Variants in DPP6 observed in about 807,000 individuals in gnomAD.
DPP6 encodes the protein dipeptidyl peptidase like 6.
A neutral mutation model predicts 122.6 loss-of-function variants in DPP6; 69 were observed. The ratio of observed to expected loss-of-function variants is 0.56; its 90% CI spans 0.46 to 0.69. The LOEUF is 0.69. DPP6 is among the 30% of genes least tolerant of loss of function. The probability of loss-of-function intolerance (pLI) is 0.00; values close to 1 mark genes in which losing one functional copy is unlikely to be tolerated. For missense variants in DPP6, 928 were observed against 1,116.9 expected (o/e 0.83, Z 2.41); for synonymous variants, 418 against 433.1 (o/e 0.97, Z 0.43).
At chr7:153,875,250 A>T in the DPP6 span, among the ~76,000 whole-genome samples, 29 of 152,328 alleles carry the variant, frequency 1.9e-4, no homozygotes, top group African/African-American at 6.0e-4. Context: ...ATAGAACTCC[A>T]TATGCTCTAA....
chr7:153,917,493 C>A (rs1470131767), intron 1 of DPP6, among the ~76,000 whole-genome samples: 3 of 152,184 alleles, frequency 2.0e-5, no homozygotes, highest in African/African-American at 7.2e-5. Context: ...CCGCTGTTCC[C>A]TCTTCCCTGG....
chr7:154,081,296 A>G (rs1175671045), intron 1 of DPP6, among the ~76,000 whole-genome samples: 1 of 148,624 alleles, frequency 6.7e-6, no homozygotes, highest in East Asian at 1.9e-4. Flanking sequence ...CACTGTGATC[A>G]GTGCACAGGA....
intron 5 of DPP6, among the ~76,000 whole-genome samples, chr7:154,586,734 G>A (rs114335149): frequency 0.012 from 1,833 of 152,286 alleles, 45 homozygotes; most frequent in African/African-American, 0.041. Flanking sequence ...GGCTTTGCTC[G>A]TGCTGTTTCC....
chr7:154,420,618 AAGTT>A (rs1817392037), intron 1 of DPP6, among the ~76,000 whole-genome samples: 1 of 152,160 alleles, frequency 6.6e-6, no homozygotes, highest in Non-Finnish European at 1.5e-5. Context: ...CAGGAGGAAT[AAGTT>A]TTGGAGATCT....
chr7:153,954,338 C>A (rs1585083766), intron 1 of DPP6, among the ~76,000 whole-genome samples: 1 of 152,352 alleles, frequency 6.6e-6, no homozygotes, highest in South Asian at 2.1e-4. Context: ...AACTGCAGAA[C>A]TAAAATTTAA....
chr7:154,477,186 C>T (rs971138883), intron 3 of DPP6, among the ~76,000 whole-genome samples: 3 of 152,098 alleles, frequency 2.0e-5, no homozygotes, highest in African/African-American at 7.2e-5. Context: ...CTTTAGGGAG[C>T]AGGTTTGTCC....
intron 7 of DPP6, among the ~76,000 whole-genome samples, chr7:154,683,613 A>G (rs1413662663): frequency 6.6e-6 from 1 of 152,058 alleles, no homozygotes; most frequent in Non-Finnish European, 1.5e-5. Flanking sequence ...TAAAATGCAA[A>G]TATAATCATG....
chr7:154,204,527 C>A (rs7793376), intron 1 of DPP6, among the ~76,000 whole-genome samples: 1 of 152,186 alleles, frequency 6.6e-6, no homozygotes, highest in African/African-American at 2.4e-5. Flanking sequence ...CCATTATCAT[C>A]ATCGGCCTCC....
the DPP6 span, among the ~76,000 whole-genome samples, chr7:153,799,476 G>A: frequency 7.9e-5 from 12 of 152,212 alleles, no homozygotes; most frequent in South Asian, 2.1e-4. Context: ...ACTGAACAAA[G>A]CAGACACTGC....
At chr7:154,345,474 C>A (rs1255969217) in intron 1 of DPP6, among the ~76,000 whole-genome samples, 1 of 152,180 alleles carries the variant, frequency 6.6e-6, no homozygotes, top group Non-Finnish European at 1.5e-5. Flanking sequence ...ATTTGCAGTC[C>A]ATTTTCCCAT....
At chr7:154,389,578 T>A (rs10264554) in intron 1 of DPP6, among the ~76,000 whole-genome samples, 21,370 of 152,162 alleles carry the variant, frequency 0.14, 2,179 homozygotes, top group African/African-American at 0.29. Context: ...CAAACAATAA[T>A]ATATTCGATA....
At chr7:154,354,354 C>G (rs1811107389) in intron 1 of DPP6, among the ~76,000 whole-genome samples, 1 of 152,164 alleles carries the variant, frequency 6.6e-6, no homozygotes, top group Non-Finnish European at 1.5e-5. Flanking sequence ...CCATTTAATA[C>G]AATGGCCGTA....
chr7:154,546,660 C>T (rs553289187), intron 4 of DPP6, among the ~76,000 whole-genome samples: 2 of 152,198 alleles, frequency 1.3e-5, no homozygotes, highest in African/African-American at 2.4e-5. Context: ...TTTATATAAT[C>T]ATAGATGTAG....
intron 1 of DPP6, among the ~76,000 whole-genome samples, chr7:154,414,243 A>G (rs1816839843): frequency 6.6e-6 from 1 of 152,248 alleles, no homozygotes; most frequent in Non-Finnish European, 1.5e-5. Context: ...CAAATGCTCC[A>G]CAAAAAGAGA....
At chr7:154,160,785 TC>T (rs1473754400) in intron 1 of DPP6, among the ~76,000 whole-genome samples, 6 of 152,288 alleles carry the variant, frequency 3.9e-5, no homozygotes, top group Non-Finnish European at 5.9e-5. Context: ...AGTTAGTTAA[TC>T]CTAAACCTAC....
intron 1 of DPP6, among the ~76,000 whole-genome samples, chr7:154,330,034 G>A (rs568112962): frequency 8.0e-4 from 122 of 152,262 alleles, no homozygotes; most frequent in African/African-American, 2.7e-3. Flanking sequence ...CCTGTCGGGC[G>A]GTGGAGGGGA....
chr7:154,230,402 T>A (rs182528557), intron 1 of DPP6, among the ~76,000 whole-genome samples: 30 of 152,366 alleles, frequency 2.0e-4, no homozygotes, highest in Non-Finnish European at 4.1e-4. Flanking sequence ...CTTGCCTTCT[T>A]TCCCCCTGTT....
intron 1 of DPP6, among the ~76,000 whole-genome samples, chr7:153,918,122 A>G (rs1038356679): frequency 6.6e-6 from 1 of 152,198 alleles, no homozygotes; most frequent in African/African-American, 2.4e-5. Context: ...TGGCACATTT[A>G]TTCCCAAAGC....
intron 1 of DPP6, among the ~76,000 whole-genome samples, chr7:153,999,729 C>G (rs1016617758): frequency 1.3e-5 from 2 of 152,140 alleles, no homozygotes; most frequent in African/African-American, 4.8e-5. Flanking sequence ...GAGACCAAGG[C>G]AAGTGGATCG....
Sources: gnomAD v4.1 joint callset for allele counts (sites outside exome capture counted in the v4.1 genomes callset) on GRCh38, gnomAD v4.1.1 for gene constraint, MANE v1.5 for transcripts, NCBI Gene and HGNC (gene_info 2026-07-23, HGNC 2026-07-21) for gene names.